Variants in HK2 observed in about 807,000 individuals in gnomAD.
HK2 encodes the protein hexokinase-2.
In HK2, 42 loss-of-function variants were observed where a neutral mutation model predicts 92.9. That is an observed-to-expected ratio of 0.45 (90% CI 0.35 to 0.58). HK2 has a LOEUF of 0.58. HK2 is among the 20% of genes least tolerant of loss of function. The pLI is 0.00. For missense variants in HK2, 978 were observed against 1,245.1 expected, an observed-to-expected ratio of 0.79 and a Z score of 3.23; for synonymous variants, 422 against 468.0, an observed-to-expected ratio of 0.90 and a Z score of 1.27.
intron 2 of HK2, among the ~76,000 whole-genome samples, chr2:74,866,750 C>T (rs753046865): frequency 4.6e-5 from 7 of 152,126 alleles, no homozygotes; most frequent in African/African-American, 9.7e-5. Flanking sequence ...TGACTCTTGT[C>T]GTACATACAT....
At chr2:74,846,783 A>T (rs1443304929) in intron 1 of HK2, among the ~76,000 whole-genome samples, 2 of 152,110 alleles carry the variant, frequency 1.3e-5, no homozygotes, top group Non-Finnish European at 2.9e-5. Flanking sequence ...AAGTATTAGG[A>T]TTACTGGTGT....
intron 5 of HK2, 114 bp downstream of exon 5, chr2:74,873,485 C>T: frequency 2.8e-6 from 2 of 716,292 alleles, no homozygotes; most frequent in Non-Finnish European, 4.9e-6. Context: ...AAGGAGAGTT[C>T]TCTTTTCCCT....
At chr2:74,845,791 A>G (rs1370897637) in intron 1 of HK2, among the ~76,000 whole-genome samples, 1 of 152,220 alleles carries the variant, frequency 6.6e-6, no homozygotes, top group Non-Finnish European at 1.5e-5. Flanking sequence ...GACTTACAGA[A>G]TCCATGTTCT....
At chr2:74,879,012 G>GGGT in intron 9 of HK2, 91 bp downstream of exon 9, 3 of 1,128,100 alleles carry the variant, frequency 2.7e-6, no homozygotes, top group Non-Finnish European at 3.9e-6. Flanking sequence ...TGCATTTCAG[G>GGGT]GGTGGTGTGG....
chr2:74,879,026 G>C, intron 9 of HK2, 105 bp downstream of exon 9: 1 of 960,606 alleles, frequency 1.0e-6, no homozygotes, highest in Middle Eastern at 2.2e-4. Context: ...GGTGTGGAGG[G>C]ACCATAGAGC....
intron 1 of HK2, among the ~76,000 whole-genome samples, chr2:74,840,711 CAA>C (rs34885061): frequency 0.24 from 31,185 of 129,134 alleles, 3,864 homozygotes; most frequent in Middle Eastern, 0.34. Context: ...ACTAAAAATA[CAA>C]AAAAAAAAAA....
chr2:74,887,924 A>G lies in HK2; in HGVS notation c.2241A>G (p.Gly747=). The change falls in exon 16 of 18, where the codon GGA becomes GGG. Residue 747 remains glycine, a synonymous_variant. Transcript: ENST00000290573. The stretch of plus-strand genomic sequence containing the variant: ...GCAGGTTCGAGAAAATGATCAGTGG[A>G]ATGTACCTGGGTGAGATTGTCCGTA... The part of the protein sequence containing the change: ...GKQRFEKMIS[G]MYLGEIVRNI... 1 of 1,614,018 alleles carries G rather than the reference A, an allele frequency of 6.2e-7. No individual in the cohort carries two copies. Among genetic ancestry groups the G allele is most frequent in the Non-Finnish European group, 8.5e-7 (1 of 1,179,998 alleles).
rs1688117800 is a variant in HK2, at chr2:74,834,950, C to A, written c.63+307C>A. Among the ~76,000 whole-genome samples the A allele has an allele frequency of 6.6e-6, 1 of 152,206 alleles. No homozygotes were observed. Among genetic ancestry groups the A allele is most frequent in the Non-Finnish European group, 1.5e-5 (1 of 68,032 alleles). On this transcript the variant is annotated intron_variant, in intron 1 of 17. Coordinates refer to ENST00000290573, the MANE Select transcript of HK2 (RefSeq NM_000189.5). The surrounding 1 kb of genome is among the most constrained non-coding windows in gnomAD (Gnocchi z 4.2). Reference sequence around the variant, plus strand: ...CTGTTACTGGAGGGGCGGGTCACCCCGCAGGTAGTCAGGGATTGCTGCGCC... The same window carrying A: ...CTGTTACTGGAGGGGCGGGTCACCCAGCAGGTAGTCAGGGATTGCTGCGCC...
intron 12 of HK2, among the ~76,000 whole-genome samples, chr2:74,882,622 G>T (rs942488372): frequency 7.9e-4 from 38 of 47,952 alleles, no homozygotes; most frequent in Non-Finnish European, 1.2e-3. Context: ...TATATATATA[G>T]CATTTTTAAG....
In HK2 at chr2:74,892,114, A is replaced by T. The variant is rs1689695485; in HGVS notation, c.*1173A>T. On this transcript the variant is annotated 3_prime_UTR_variant, in exon 18 of 18. Coordinates refer to ENST00000290573, the MANE Select transcript of HK2 (RefSeq NM_000189.5). Reference sequence around the variant, plus strand: ...CTAGAGATTTTCTTGGCAGTATTCCATGGGATGTTAAGCAAAGGAAACCAA... The same window carrying T: ...CTAGAGATTTTCTTGGCAGTATTCCTTGGGATGTTAAGCAAAGGAAACCAA... 6.6e-6 allele frequency: 1 copy of T among 152,636 alleles called. No individual in the cohort carries two copies. The highest frequency in any genetic ancestry group is 2.1e-4 in the South Asian group (1 of 4,828). The allele number at this position is 152,636 out of a possible 1,614,324, so 9.5% of individuals were successfully genotyped here.
intron 2 of HK2, among the ~76,000 whole-genome samples, chr2:74,865,336 G>A (rs888437772): frequency 1.3e-5 from 2 of 152,112 alleles, no homozygotes; most frequent in African/African-American, 4.8e-5. Flanking sequence ...ACCCGTTCTT[G>A]GTGGAGCTGT....
At chr2:74,881,089 C>T (rs1689380347) in intron 10 of HK2, among the ~76,000 whole-genome samples, 1 of 152,112 alleles carries the variant, frequency 6.6e-6, no homozygotes, top group Non-Finnish European at 1.5e-5. Flanking sequence ...ACAGCCATGC[C>T]CATGCGTCTG....
rs749589264 is a variant in HK2, at chr2:74,872,347, A to G, written c.423A>G (p.Leu141=). The G allele has an allele frequency of 5.0e-6, 8 of 1,613,888 alleles. No individual in the cohort carries two copies. The South Asian group carries it at 8.8e-5, about 18-fold the overall frequency. Residue 141 remains leucine, a synonymous_variant, in exon 4 of 18, where the codon CTA becomes CTG. Coordinates refer to ENST00000290573, the MANE Select transcript of HK2 (RefSeq NM_000189.5). Reference sequence around the variant, plus strand: ...GCCTGGCTAACTTCATGGATAAGCTACAAATCAAAGACAAGAAGCTCCCAC... The same window carrying G: ...GCCTGGCTAACTTCATGGATAAGCTGCAAATCAAAGACAAGAAGCTCCCAC... ...AECLANFMDK[L]QIKDKKLPLG...
rs560594848 is a variant in HK2 at position 74,842,621 on chromosome 2, G to A, written c.63+7978G>A. 5.9e-5 allele frequency among the ~76,000 whole-genome samples: 9 copies of A among 152,328 alleles called. No homozygotes were observed. The South Asian group carries it at 1.9e-3, about 32-fold the overall frequency. On this transcript the variant is annotated intron_variant, in intron 1 of 17. Coordinates refer to ENST00000290573, the MANE Select transcript of HK2 (RefSeq NM_000189.5). ...CCATTTGTGTCTCTGTGTGACGTTGGATTGAATCAGAGGACAGAGAAGTCA... is the reference window on the plus strand; with the variant it reads ...CCATTTGTGTCTCTGTGTGACGTTGAATTGAATCAGAGGACAGAGAAGTCA...
intron 3 of HK2, among the ~76,000 whole-genome samples, chr2:74,870,802 C>T (rs1326714716): frequency 3.9e-5 from 6 of 152,146 alleles, no homozygotes; most frequent in African/African-American, 1.4e-4. Context: ...CCTTGTCCTC[C>T]CCAGCCTTTG....
At chr2:74,836,553 T>C (rs1352305037) in intron 1 of HK2, among the ~76,000 whole-genome samples, 1 of 152,222 alleles carries the variant, frequency 6.6e-6, no homozygotes, top group Non-Finnish European at 1.5e-5. Flanking sequence ...GTCATTCCTG[T>C]AGGTTTTCTC....
chr2:74,880,201 A>G (rs568732840), intron 9 of HK2, 64 bp from the exon 10 acceptor site: 1 of 1,572,868 alleles, frequency 6.4e-7, no homozygotes, highest in South Asian at 1.1e-5. Context: ...GCAACTGTCT[A>G]ACTATTTGCA....
intron 1 of HK2, among the ~76,000 whole-genome samples, chr2:74,839,689 C>T (rs1373896618): frequency 1.3e-5 from 2 of 148,562 alleles, no homozygotes; most frequent in Non-Finnish European, 3.0e-5. Context: ...GACAGAGTTT[C>T]GCTCTGTCAC....
At chr2:74,863,372 A>T (rs1474691618) in intron 2 of HK2, among the ~76,000 whole-genome samples, 2 of 152,260 alleles carry the variant, frequency 1.3e-5, no homozygotes, top group African/African-American at 2.4e-5. Flanking sequence ...AGATCACTCC[A>T]TTCCTAGTCT....
Sources: allele counts gnomAD v4.1 joint callset (sites outside exome capture counted in the v4.1 genomes callset), GRCh38; gene constraint gnomAD v4.1.1; non-coding constraint Gnocchi (gnomAD v3.1); transcripts MANE v1.5; gene names NCBI Gene and HGNC (gene_info 2026-07-23, HGNC 2026-07-21).